The following TICRR variants were observed in gnomAD, a reference collection of about 807,000 sequenced individuals.
TICRR encodes the protein TOPBP1 interacting checkpoint and replication regulator, also known as treslin.
TICRR carries 132 observed loss-of-function variants against 178.1 expected under a neutral mutation model. The ratio of observed to expected loss-of-function variants is 0.74; its 90% CI spans 0.64 to 0.86. The LOEUF (loss-of-function observed/expected upper bound fraction) is 0.86. Among genes scored for constraint, TICRR ranks in the 40% least tolerant of loss-of-function variants. TICRR has a pLI of 0.00. For missense variants in TICRR, 2,587 were observed against 2,334.3 expected (o/e 1.11, Z -2.23); for synonymous variants, 991 against 900.7 (o/e 1.10, Z -1.79).
chr15:89,624,322 C>T lies in TICRR; in HGVS notation c.4012C>T (p.Leu1338=), dbSNP rs200081503. Residue 1338 remains leucine (L), a synonymous_variant, in exon 20 of 22, where the codon CTG becomes TTG. Transcript: ENST00000268138. ...SKIECPSPGE[L]DQKEPQMSPS... is the part of the protein sequence containing the mutation. ...AATAGAGTGTCCTTCCCCAGGAGAA[C>T]TGGATCAGAAAGAGCCCCAGATGTC... 6.2e-7 allele frequency: 1 copy of T among 1,614,202 alleles called. No individual in the cohort carries two copies. The highest frequency in any genetic ancestry group is 1.7e-5 in the Admixed American group (1 of 60,022).
chr15:89,625,940 C>T lies in TICRR; in HGVS notation c.5481C>T (p.Ser1827=). Residue 1827 remains serine (S), a synonymous_variant, in exon 21 of 22, where the codon TCC becomes TCT. Coordinates refer to ENST00000268138, the MANE Select transcript of TICRR (RefSeq NM_152259.4). ...TACTATGTGGGATCTCTTTAGGCTC[C>T]ACCCCACCTCCCAGCTGTGCCGTGC... is the stretch of plus-strand genomic sequence containing the variant. ...TGDEEVFVSG[S]TPPPSCAVRS... The T allele has an allele frequency of 6.4e-7, 1 of 1,572,376 alleles. No homozygotes were observed. The highest frequency in any genetic ancestry group is 1.2e-5 in the South Asian group (1 of 82,202).
Position 89,584,546 on chromosome 15 carries a change from G to A in TICRR, c.1176+19G>A, listed in dbSNP as rs760774263. On this transcript the variant is annotated intron_variant, in intron 3 of 21. Coordinates refer to ENST00000268138, the MANE Select transcript of TICRR (RefSeq NM_152259.4). ...ACACCTGGTAGGTATCCTCCACACG[G>A]GAAGTTATTCTTGTCTAACAACACA... 7.9e-6 allele frequency: 12 copies of A among 1,520,972 alleles called. No individual in the cohort carries two copies. Among genetic ancestry groups the A allele is most frequent in the Non-Finnish European group, 9.7e-6 (11 of 1,134,324 alleles). The allele number at this position is 1,520,972 out of a possible 1,614,324, so 94.2% of individuals were successfully genotyped here.
In TICRR at chr15:89,592,163, A is replaced by T; in HGVS notation, c.1528A>T (p.Met510Leu). 6.2e-7 allele frequency: 1 copy of T among 1,611,306 alleles called. No homozygotes were observed. The highest frequency in any genetic ancestry group is 1.3e-5 in the African/African-American group (1 of 75,012). The part of the protein sequence containing the change: ...CNISGASSDL[M>L]ESFGLLQAAS... ...CATCAGTGGTGCCAGTTCCGATTTG[A>T]TGGAGTCATTTGGGTAAAACGTTTT... The change falls in exon 5 of 22, where the codon ATG (methionine) becomes TTG (leucine). Residue 510 changes from methionine to leucine, a missense_variant. Met to Leu is a conservative substitution (Grantham distance 15). Transcript: ENST00000268138.
At chr15:89,587,860 G>A (rs907035485) in intron 4 of TICRR, among the ~76,000 whole-genome samples, 17 of 152,166 alleles carry the variant, frequency 1.1e-4, no homozygotes, top group Admixed American at 1.0e-3. Flanking sequence ...GAAAACAGTG[G>A]CTAGAGAGGG....
At chr15:89,577,710 G>C (rs1962650348) in intron 1 of TICRR, among the ~76,000 whole-genome samples, 1 of 138,490 alleles carries the variant, frequency 7.2e-6, no homozygotes. Context: ...CTGGGTTCAA[G>C]CAATTCTCCT....
intron 18 of TICRR, among the ~76,000 whole-genome samples, 182 bp from the exon 19 acceptor site, chr15:89,621,211 G>T (rs571078877): frequency 8.5e-5 from 13 of 152,060 alleles, no homozygotes; most frequent in Admixed American, 7.2e-4. Context: ...AGTAGAGATG[G>T]TGTTTCGCTA....
In TICRR at chr15:89,626,043, C is replaced by T. The variant is rs1963518789; in HGVS notation, c.5584C>T (p.Gln1862Ter). Residue 1862 changes from glutamine to a stop codon, truncating the protein, a stop_gained, in exon 21 of 22, where the codon CAG (glutamine) becomes TAG (stop). Transcript: ENST00000268138. LOFTEE classifies it low-confidence loss of function (END_TRUNC). ...LLFQGKTPSS[Q>*]SKDPRDEDVD... is the part of the protein sequence containing the mutation. The stretch of plus-strand genomic sequence containing the variant: ...GTTCCAGGGGAAAACACCTTCCTCT[C>T]AGAGCAAAGACCCCAGAGGTAATGT... The T allele has an allele frequency of 3.1e-6, 5 of 1,613,924 alleles. No individual in the cohort carries two copies. The highest frequency in any genetic ancestry group is 4.2e-6 in the Non-Finnish European group (5 of 1,179,924).
intron 15 of TICRR, among the ~76,000 whole-genome samples, chr15:89,609,721 C>T (rs753096815): frequency 3.0e-4 from 45 of 152,064 alleles, no homozygotes; most frequent in African/African-American, 9.7e-4. Context: ...GTGATCTGCC[C>T]GCCTCAGCCT....
chr15:89,623,788 T>G lies in TICRR; in HGVS notation c.3478T>G (p.Ser1160Ala), dbSNP rs1963463141. 1 of 1,613,450 alleles carries G rather than the reference T, an allele frequency of 6.2e-7. No individual in the cohort carries two copies. Among genetic ancestry groups the G allele is most frequent in the East Asian group, 2.2e-5 (1 of 44,850 alleles). Residue 1160 changes from serine (S) to alanine (A), a missense_variant, in exon 20 of 22, where the codon TCC becomes GCC. Ser to Ala is a moderately conservative substitution (Grantham distance 99). Transcript: ENST00000268138. ...AGCTTTTAAGGAGTCCTTAAAAGAC[T>G]CCTCCTCACCCGGCCATGACTCACC... is the stretch of plus-strand genomic sequence containing the variant. ...QAAFKESLKD[S>A]SSPGHDSPLD...
chr15:89,621,449 GGGGCA>G lies in TICRR; in HGVS notation c.3212_3216del (p.Gly1071AspfsTer3). 6.2e-7 allele frequency: 1 copy of G among 1,613,766 alleles called. No individual in the cohort carries two copies. The highest frequency in any genetic ancestry group is 8.5e-7 in the Non-Finnish European group (1 of 1,179,920). Reference sequence around the variant, plus strand: ...TCGGTCTCCCAAGAGTCTTCTTTTTGGGGCAATGTCTGAGATGATCAGCCCCTCAG... The same window carrying G: ...TCGGTCTCCCAAGAGTCTTCTTTTTGATGTCTGAGATGATCAGCCCCTCAG... On this transcript the variant is annotated frameshift_variant, in exon 19 of 22. Transcript: ENST00000268138. LOFTEE classifies it high-confidence loss of function.
intron 13 of TICRR, 129 bp downstream of exon 13, chr15:89,603,021 C>G (rs1963121604): frequency 2.3e-6 from 1 of 429,698 alleles, no homozygotes; most frequent in African/African-American, 2.1e-5. Flanking sequence ...GTGTATAAAA[C>G]TATAATCCAA....
intron 16 of TICRR, 114 bp from the exon 17 acceptor site, chr15:89,618,038 T>C (rs940110469): frequency 1.9e-6 from 2 of 1,055,500 alleles, no homozygotes; most frequent in Non-Finnish European, 3.0e-6. Flanking sequence ...CCAGCACTGG[T>C]GTTATCAGAC....
chr15:89,626,011 C>G lies in TICRR; in HGVS notation c.5552C>G (p.Pro1851Arg). The G allele has an allele frequency of 6.2e-7, 1 of 1,613,312 alleles. No individual in the cohort carries two copies. The highest frequency in any genetic ancestry group is 1.1e-5 in the South Asian group (1 of 90,974). Reference sequence around the variant, plus strand: ...GCCCTCCAGGCTCTGACCCAGTCTCCGCTGCTGTTCCAGGGGAAAACACCT... The same window carrying G: ...GCCCTCCAGGCTCTGACCCAGTCTCGGCTGCTGTTCCAGGGGAAAACACCT... Reference protein sequence around the residue: ...ASALQALTQSPLLFQGKTPSS... With the variant: ...ASALQALTQSRLLFQGKTPSS... Residue 1851 changes from proline to arginine, a missense_variant, in exon 21 of 22, where the codon CCG becomes CGG. Pro to Arg is a moderately radical substitution (Grantham distance 103). Transcript: ENST00000268138.
At chr15:89,599,610 G>C in intron 8 of TICRR, 135 bp downstream of exon 8, 1 of 827,062 alleles carries the variant, frequency 1.2e-6, no homozygotes, top group Non-Finnish European at 1.9e-6. Flanking sequence ...AAGTAAGGGA[G>C]TAAGTACAGT....
chr15:89,606,704 C>A lies in TICRR; in HGVS notation c.2665-64C>A. On this transcript the variant is annotated intron_variant, in intron 13 of 21. Coordinates refer to ENST00000268138, the MANE Select transcript of TICRR (RefSeq NM_152259.4). The stretch of plus-strand genomic sequence containing the variant: ...AAGAGTCAAAGAGTTCATGTGAAAT[C>A]TTTATTCTTTTATTTCAATGAATGC... The A allele has an allele frequency of 2.3e-6, 3 of 1,331,700 alleles. No individual in the cohort carries two copies. The South Asian group carries it at 3.6e-5, about 16-fold the overall frequency. 82.5% of individuals were successfully genotyped at this position (1,331,700 alleles called of 1,614,324 possible). A position where few individuals can be genotyped will look rare whatever the true frequency, so the allele number is the denominator to read the frequency against.
At position 89,592,206 on chromosome 15, in the gene TICRR, G is replaced by A. The variant is rs551783848; in HGVS notation, c.1541+30G>A. On this transcript the variant is annotated intron_variant, in intron 5 of 21. Transcript: ENST00000268138. The stretch of plus-strand genomic sequence containing the variant: ...AACGTTTTTATATCTCTTGAATATT[G>A]ATTATTAAAATCAACGTTCAGTTAT... 1.1e-5 allele frequency: 18 copies of A among 1,575,862 alleles called. No homozygotes were observed. In the African/African-American group the frequency reaches 2.4e-4, roughly 21 times the overall value.
rs530620053 is a variant in TICRR, at chr15:89,602,833, G to T, written c.2605G>T (p.Val869Phe). ...ALIRHKSIAE[V>F]SQNLRQIEIP... The stretch of plus-strand genomic sequence containing the variant: ...AATAAGACATAAAAGCATTGCTGAG[G>T]TTTCACAGAATCTTCGACAAATTGA... The change falls in exon 13 of 22, where the codon GTT becomes TTT. Residue 869 changes from valine (V) to phenylalanine (F), a missense_variant. Physicochemically the swap from Val to Phe is conservative, Grantham distance 50. Transcript: ENST00000268138. 6.6e-7 allele frequency: 1 copy of T among 1,522,626 alleles called. No homozygotes were observed. The highest frequency in any genetic ancestry group is 8.8e-7 in the Non-Finnish European group (1 of 1,136,076). 94.3% of individuals were successfully genotyped at this position (1,522,626 alleles called of 1,614,324 possible).
At chr15:89,600,774 G>A (rs1436293608) in intron 9 of TICRR, 89 bp downstream of exon 9, 1 of 630,066 alleles carries the variant, frequency 1.6e-6, no homozygotes, top group African/African-American at 1.9e-5. Context: ...TCGTGACATG[G>A]TGGCTCATGC....
intron 15 of TICRR, among the ~76,000 whole-genome samples, chr15:89,612,508 T>C (rs892805487): frequency 6.6e-6 from 1 of 152,232 alleles, no homozygotes; most frequent in Non-Finnish European, 1.5e-5. Flanking sequence ...TGTGGGCTGC[T>C]ATCCCAATAG....
Sources: allele counts gnomAD v4.1 joint callset (sites outside exome capture counted in the v4.1 genomes callset), GRCh38; gene constraint gnomAD v4.1.1; transcripts MANE v1.5; gene names NCBI Gene and HGNC (gene_info 2026-07-23, HGNC 2026-07-21).